EIF2S2: variants seen among roughly 807,000 people sequenced by gnomAD.
EIF2S2 encodes eukaryotic translation initiation factor 2 subunit beta, also known as eukaryotic translation initiation factor 2 subunit 2.
Under a neutral mutation model 44.0 loss-of-function variants are expected in EIF2S2, and 4 were observed. The observed-to-expected ratio is 0.09, with a 90% CI of 0.04 to 0.21. The LOEUF (loss-of-function observed/expected upper bound fraction) is 0.21, where lower values mean the gene tolerates loss of function less well. EIF2S2 is among the 10% of genes least tolerant of loss of function. EIF2S2 has a pLI of 1.00. For missense variants in EIF2S2, 154 were observed against 392.0 expected (o/e 0.39, Z 5.13); for synonymous variants, 108 against 128.3 (o/e 0.84, Z 1.07).
chr20:34,097,305 C>A (rs756639341), intron 5 of EIF2S2, 111 bp downstream of exon 5: 16 of 906,148 alleles, frequency 1.8e-5, no homozygotes, highest in Non-Finnish European at 2.5e-5. Context: ...CTCTCTGCAT[C>A]TGTTCCACCA....
intron 1 of EIF2S2, among the ~76,000 whole-genome samples, chr20:34,108,505 T>C (rs1303440358): frequency 1.3e-5 from 2 of 152,336 alleles, no homozygotes; most frequent in Admixed American, 6.5e-5. Context: ...GACTTTCATG[T>C]CTAGCTTCCA....
At chr20:34,107,780 C>A (rs2034366113) in intron 1 of EIF2S2, among the ~76,000 whole-genome samples, 1 of 152,176 alleles carries the variant, frequency 6.6e-6, no homozygotes, top group South Asian at 2.1e-4. Flanking sequence ...CAGTTACTGT[C>A]CTTGCCCAGT....
chr20:34,108,466 T>C (rs1180534979), intron 1 of EIF2S2, among the ~76,000 whole-genome samples: 1 of 152,212 alleles, frequency 6.6e-6, no homozygotes, highest in Non-Finnish European at 1.5e-5. Flanking sequence ...AATGAGGCCA[T>C]GTTAGTCTTG....
rs922791222 is a variant in EIF2S2, at chr20:34,098,521, T to C, written c.410A>G (p.Asp137Gly). 3 of 1,613,792 alleles carry C rather than the reference T, an allele frequency of 1.9e-6. No homozygotes were observed. The highest frequency in any genetic ancestry group is 1.7e-4 in the Middle Eastern group (1 of 5,972). The stretch of plus-strand genomic sequence containing the variant: ...ACCTTCATCTTTCTCTAGTATTTCA[T>C]CCTCATCTGGGAACTTAACATTCTT... ...KKKNVKFPDE[D>G]EILEKDEALE... The change falls in exon 4 of 9, where the codon GAT becomes GGT. Residue 137 changes from aspartate (D) to glycine (G), a missense_variant. Transcript: ENST00000374980.
At chr20:34,108,688 C>T (rs1171810229) in intron 1 of EIF2S2, among the ~76,000 whole-genome samples, 2 of 152,214 alleles carry the variant, frequency 1.3e-5, no homozygotes, top group South Asian at 2.1e-4. Flanking sequence ...CAACTTCTCA[C>T]GTTTGATTGG....
At chr20:34,090,988 T>C (rs2034156094) in intron 7 of EIF2S2, among the ~76,000 whole-genome samples, 1 of 152,112 alleles carries the variant, frequency 6.6e-6, no homozygotes, top group African/African-American at 2.4e-5. Context: ...TGGACTCAAG[T>C]GATCCTCCCA....
intron 5 of EIF2S2, 95 bp from the exon 6 acceptor site, chr20:34,096,900 C>T: frequency 7.6e-7 from 1 of 1,322,466 alleles, no homozygotes; most frequent in South Asian, 1.5e-5. Flanking sequence ...AAATACTTCA[C>T]TTCTGATTAA....
At chr20:34,095,266 C>G (rs1207750083) in intron 6 of EIF2S2, among the ~76,000 whole-genome samples, 1 of 149,976 alleles carries the variant, frequency 6.7e-6, no homozygotes, top group Non-Finnish European at 1.5e-5. Flanking sequence ...GTACATAAAA[C>G]TGGCTAAACA....
At chr20:34,097,932 A>C (rs2034249349) in intron 4 of EIF2S2, among the ~76,000 whole-genome samples, 1 of 152,312 alleles carries the variant, frequency 6.6e-6, no homozygotes, top group South Asian at 2.1e-4. Context: ...TGTAAACACG[A>C]GTTTAAAAAA....
At chr20:34,090,706 T>C (rs2034152509) in intron 7 of EIF2S2, 104 bp from the exon 8 acceptor site, 6 of 633,908 alleles carry the variant, frequency 9.5e-6, no homozygotes, top group East Asian at 6.0e-5. Context: ...TTCAGTAGCA[T>C]AGGATAAACT....
At chr20:34,090,634 T>A (rs771535015) in intron 7 of EIF2S2, 32 bp from the exon 8 acceptor site, 21 of 1,360,712 alleles carry the variant, frequency 1.5e-5, no homozygotes, top group Non-Finnish European at 2.0e-5. Context: ...TCTCCATTAT[T>A]ATTGTTTTTT....
intron 7 of EIF2S2, 106 bp downstream of exon 7, chr20:34,093,569 T>C: frequency 9.7e-7 from 1 of 1,028,808 alleles, no homozygotes; most frequent in Non-Finnish European, 1.4e-6. Flanking sequence ...AAAGTTTCTC[T>C]AATAATCAGG....
chr20:34,092,353 A>G (rs868329669), intron 7 of EIF2S2, among the ~76,000 whole-genome samples: 5 of 152,350 alleles, frequency 3.3e-5, no homozygotes, highest in African/African-American at 1.2e-4. Flanking sequence ...TGTGCAAGTT[A>G]CAAATAACGA....
intron 1 of EIF2S2, 26 bp downstream of exon 1, chr20:34,112,070 C>A (rs2034420552): frequency 6.5e-7 from 1 of 1,541,898 alleles, no homozygotes; most frequent in Non-Finnish European, 8.8e-7. Flanking sequence ...CAATCCTTAG[C>A]CCTTACGCCG....
In EIF2S2 at chr20:34,098,698, C is replaced by T. The variant is rs867160914; in HGVS notation, c.298-65G>A. 7 of 1,545,258 alleles carry T rather than the reference C, an allele frequency of 4.5e-6. No individual in the cohort carries two copies. In the Middle Eastern group the frequency reaches 6.9e-4, roughly 152 times the overall value. On this transcript the variant is annotated intron_variant, in intron 3 of 8. Coordinates refer to ENST00000374980, the MANE Select transcript of EIF2S2 (RefSeq NM_003908.5). ...CTATTCTTTTTTATTTATTTTATTA[C>T]ATTTTCTGTTGAGATGAGGAGGTCT...
intron 6 of EIF2S2, among the ~76,000 whole-genome samples, chr20:34,095,601 T>C (rs1460689234): frequency 5.3e-5 from 8 of 152,218 alleles, no homozygotes; most frequent in African/African-American, 1.2e-4. Context: ...CGTGAGCTAC[T>C]GCGCCCAGCA....
intron 3 of EIF2S2, among the ~76,000 whole-genome samples, chr20:34,099,962 C>T (rs1476638008): frequency 1.3e-5 from 2 of 152,188 alleles, no homozygotes; most frequent in African/African-American, 2.4e-5. Flanking sequence ...TCTCCGAACC[C>T]ATGTCTAGGG....
At chr20:34,103,198 A>G (rs1601537140) in intron 3 of EIF2S2, among the ~76,000 whole-genome samples, 1 of 152,388 alleles carries the variant, frequency 6.6e-6, no homozygotes, top group East Asian at 1.9e-4. Context: ...CAAAAATCTC[A>G]GTATAGTTAA....
At chr20:34,093,573 A>C (rs752355085) in intron 7 of EIF2S2, 102 bp downstream of exon 7, 64 of 1,049,528 alleles carry the variant, frequency 6.1e-5, no homozygotes, top group Non-Finnish European at 7.6e-5. Context: ...TTTCTCTAAT[A>C]ATCAGGTGAA....
Sources: gnomAD v4.1 joint callset for allele counts (sites outside exome capture counted in the v4.1 genomes callset) on GRCh38, gnomAD v4.1.1 for gene constraint, MANE v1.5 for transcripts, NCBI Gene and HGNC (gene_info 2026-07-23, HGNC 2026-07-21) for gene names.